TTLL7: variants seen among roughly 807,000 people sequenced by gnomAD.
TTLL7 encodes tubulin polyglutamylase TTLL7.
TTLL7 carries 53 observed loss-of-function variants against 120.2 expected under a neutral mutation model. The observed-to-expected ratio is 0.44, with a 90% CI of 0.35 to 0.55. TTLL7 has a LOEUF of 0.55. Among genes scored for constraint, TTLL7 ranks in the 20% least tolerant of loss-of-function variants. The probability of loss-of-function intolerance (pLI) is 0.00; values close to 1 mark genes in which losing one functional copy is unlikely to be tolerated. For synonymous variants in TTLL7, 353 were observed against 351.7 expected, an observed-to-expected ratio of 1.00 and a Z score of -0.04; for missense variants, 803 against 1,054.7, an observed-to-expected ratio of 0.76 and a Z score of 3.31.
intron 20 of TTLL7, among the ~76,000 whole-genome samples, chr1:83,879,626 T>C (rs1036836164): frequency 1.3e-5 from 2 of 152,058 alleles, no homozygotes; most frequent in Non-Finnish European, 2.9e-5. Flanking sequence ...TGTCCCCTAA[T>C]GTAACTTTTA....
intron 14 of TTLL7, among the ~76,000 whole-genome samples, chr1:83,915,855 G>T (rs1284872279): frequency 1.3e-5 from 2 of 152,096 alleles, no homozygotes. Context: ...CTTCTCAAAA[G>T]AAGACATTTA....
At chr1:83,943,023 G>A (rs1017804296) in intron 6 of TTLL7, among the ~76,000 whole-genome samples, 2 of 152,136 alleles carry the variant, frequency 1.3e-5, no homozygotes, top group African/African-American at 4.8e-5. Context: ...TCCTGGAGGG[G>A]GTAGAATGGG....
intron 15 of TTLL7, among the ~76,000 whole-genome samples, chr1:83,908,537 T>A (rs1383321126): frequency 6.6e-6 from 1 of 152,010 alleles, no homozygotes; most frequent in African/African-American, 2.4e-5. Context: ...AGAACAAATA[T>A]CTAAGAGAAA....
chr1:83,919,775 ACAGCTAACAAATTTT>A lies in TTLL7; in HGVS notation c.1409_1423del (p.Glu470_Ala474del). ...TCCTGAAAGGAAGGTCTGAAAGGCA[ACAGCTAACAAATTTT>A]CATACTTTTCAAGTAATGCTTTATC... On this transcript the variant is annotated inframe_deletion, in exon 13 of 21. Coordinates refer to ENST00000260505, the MANE Select transcript of TTLL7 (RefSeq NM_024686.6). 6.2e-7 allele frequency: 1 copy of A among 1,613,112 alleles called. No individual in the cohort carries two copies. The highest frequency in any genetic ancestry group is 8.5e-7 in the Non-Finnish European group (1 of 1,179,440).
chr1:83,994,361 A>G (rs1319269187), intron 1 of TTLL7, among the ~76,000 whole-genome samples: 1 of 152,118 alleles, frequency 6.6e-6, no homozygotes, highest in African/African-American at 2.4e-5. Flanking sequence ...CCAGCCTTGA[A>G]AGAGAGTGGA....
At chr1:83,984,478 T>C (rs1652264377) in intron 1 of TTLL7, among the ~76,000 whole-genome samples, 2 of 152,230 alleles carry the variant, frequency 1.3e-5, no homozygotes, top group South Asian at 2.1e-4. Flanking sequence ...TTGTATAATA[T>C]GTTCACTGCA....
At chr1:83,957,306 A>T (rs934420061) in intron 1 of TTLL7, among the ~76,000 whole-genome samples, 4 of 152,194 alleles carry the variant, frequency 2.6e-5, no homozygotes, top group African/African-American at 9.6e-5. Flanking sequence ...CCCAGTAAAC[A>T]TAATATATGA....
intron 7 of TTLL7, among the ~76,000 whole-genome samples, chr1:83,940,380 T>C (rs1252908254): frequency 6.6e-6 from 1 of 152,186 alleles, no homozygotes; most frequent in Non-Finnish European, 1.5e-5. Flanking sequence ...ATTATGTTTG[T>C]AGCTCAGAAA....
intron 20 of TTLL7, among the ~76,000 whole-genome samples, chr1:83,874,931 CT>C (rs1344267000): frequency 6.6e-6 from 1 of 151,898 alleles, no homozygotes; most frequent in Non-Finnish European, 1.5e-5. Flanking sequence ...AAGAATCTCT[CT>C]GTTCTTAGAT....
chr1:83,893,541 C>CTAAA (rs59896162), intron 18 of TTLL7, among the ~76,000 whole-genome samples: 121,218 of 151,648 alleles, frequency 0.8, 48,869 homozygotes, highest in African/African-American at 0.89. Flanking sequence ...AACATAAAGA[C>CTAAA]TAAAGACATT....
At chr1:83,884,672 A>G (rs1369764447) in intron 19 of TTLL7, among the ~76,000 whole-genome samples, 2 of 139,940 alleles carry the variant, frequency 1.4e-5, no homozygotes, top group Non-Finnish European at 3.0e-5. Flanking sequence ...GAATTGAACA[A>G]TGAGAACACA....
Position 83,869,972 on chromosome 1 carries a change from C to T in TTLL7, c.2654G>A (p.Gly885Asp), listed in dbSNP as rs911690643. Residue 885 changes from glycine (G) to aspartate (D), a missense_variant, in exon 21 of 21, where the codon GGC becomes GAC. This residue lies in a region of TTLL7 where 388 missense variants were observed against 450.4 expected (regional missense o/e 0.86). Transcript: ENST00000260505. ...RSNVLFTSRYGHL is the reference protein window; with the variant it reads ...RSNVLFTSRYDHL ...ATCTTCCCTTCTGTTTCACAGATGG[C>T]CATATCTGGATGTAAACAAAACATT... 2 of 1,592,840 alleles carry T rather than the reference C, an allele frequency of 1.3e-6. No individual in the cohort carries two copies. The highest frequency in any genetic ancestry group is 4.6e-5 in the East Asian group (2 of 43,794).
Position 83,986,836 on chromosome 1 carries a change from T to A in TTLL7, c.-177+12095A>T, listed in dbSNP as rs1256957446. On this transcript the variant is annotated intron_variant, in intron 1 of 20. Transcript: ENST00000260505. ...TCCTGGGCAACAAAGCAAGACTCCATCTCAAAAAAAAAGAAGAAGAAGAAG... is the reference window on the plus strand; with the variant it reads ...TCCTGGGCAACAAAGCAAGACTCCAACTCAAAAAAAAAGAAGAAGAAGAAG... Among the ~76,000 whole-genome samples, 3 of 150,934 alleles carry A rather than the reference T, an allele frequency of 2.0e-5. 1 individual carries two copies. Among genetic ancestry groups the A allele is most frequent in the African/African-American group, 7.3e-5 (3 of 41,026 alleles).
chr1:83,918,381 A>G (rs1658365920), intron 13 of TTLL7, among the ~76,000 whole-genome samples: 1 of 152,198 alleles, frequency 6.6e-6, no homozygotes, highest in Admixed American at 6.6e-5. Flanking sequence ...CAATACGAGT[A>G]TAATAGCTAC....
chr1:83,940,237 T>C (rs1022064615), intron 7 of TTLL7, among the ~76,000 whole-genome samples: 15 of 152,168 alleles, frequency 9.9e-5, no homozygotes, highest in Non-Finnish European at 2.2e-4. Flanking sequence ...TAAAGCACTT[T>C]ATCATCCAAA....
intron 9 of TTLL7, among the ~76,000 whole-genome samples, chr1:83,931,546 A>G (rs1419508287): frequency 6.6e-6 from 1 of 152,094 alleles, no homozygotes; most frequent in Non-Finnish European, 1.5e-5. Flanking sequence ...CCTTTTACCT[A>G]CTAGTACTTA....
intron 20 of TTLL7, among the ~76,000 whole-genome samples, chr1:83,871,821 C>T (rs1219545649): frequency 2.1e-5 from 3 of 145,042 alleles, no homozygotes; most frequent in African/African-American, 7.7e-5. Flanking sequence ...GGCATGAACC[C>T]GGGAGGCAGA....
chr1:83,873,195 A>T (rs997414625), intron 20 of TTLL7, among the ~76,000 whole-genome samples: 1 of 152,220 alleles, frequency 6.6e-6, no homozygotes, highest in Admixed American at 6.5e-5. Context: ...TTAAGACTTG[A>T]AAAGAAGTTC....
At chr1:83,948,731 C>T (rs373299193) in intron 4 of TTLL7, 36 bp from the exon 5 acceptor site, 27 of 1,440,760 alleles carry the variant, frequency 1.9e-5, no homozygotes, top group Non-Finnish European at 2.3e-5. Context: ...ATATTCTCAG[C>T]GAATTAATTA....
Sources: gnomAD v4.1 joint callset for allele counts (sites outside exome capture counted in the v4.1 genomes callset) on GRCh38, gnomAD v4.1.1 for gene constraint, gnomAD v4.1.1 regional missense constraint, MANE v1.5 for transcripts, NCBI Gene and HGNC (gene_info 2026-07-23, HGNC 2026-07-21) for gene names.